GABRR1: variants seen among roughly 807,000 people sequenced by gnomAD.
The protein encoded by GABRR1 is gamma-aminobutyric acid type A receptor subunit rho1.
Under a neutral mutation model 55.5 loss-of-function variants are expected in GABRR1, and 59 were observed. The observed-to-expected ratio is 1.06, with a 90% confidence interval of 0.86 to 1.32. The LOEUF (loss-of-function observed/expected upper bound fraction) is 1.32, where lower values mean the gene tolerates loss of function less well. Among genes scored for constraint, GABRR1 ranks in the 40% most tolerant of loss-of-function variants. GABRR1 has a pLI of 0.00. For synonymous variants in GABRR1, 213 were observed against 226.0 expected, an observed-to-expected ratio of 0.94 and a Z score of 0.51; for missense variants, 602 against 619.1, an observed-to-expected ratio of 0.97 and a Z score of 0.29.
At chr6:89,190,718 C>T (rs186705014) in intron 5 of GABRR1, among the ~76,000 whole-genome samples, 30 of 152,214 alleles carry the variant, frequency 2.0e-4, no homozygotes, top group African/African-American at 4.3e-4. Flanking sequence ...TTTTCTTTAA[C>T]GATGTTGATA....
At chr6:89,216,494 G>A (rs987546797) in intron 1 of GABRR1, among the ~76,000 whole-genome samples, 4 of 152,194 alleles carry the variant, frequency 2.6e-5, no homozygotes, top group African/African-American at 9.7e-5. Flanking sequence ...GGGCAAGCAG[G>A]TGTGCATCCC....
intron 5 of GABRR1, among the ~76,000 whole-genome samples, chr6:89,195,671 T>A (rs1772243779): frequency 6.6e-6 from 1 of 152,232 alleles, no homozygotes; most frequent in African/African-American, 2.4e-5. Context: ...ATCACCAGAC[T>A]TATCTTGTAA....
intron 1 of GABRR1, among the ~76,000 whole-genome samples, chr6:89,230,715 T>C (rs1773271078): frequency 6.6e-6 from 1 of 151,624 alleles, no homozygotes. Context: ...GCTGTCTTTT[T>C]GTTTGTCTGT....
At chr6:89,202,379 C>T (rs1333865132) in intron 2 of GABRR1, among the ~76,000 whole-genome samples, 1 of 151,556 alleles carries the variant, frequency 6.6e-6, no homozygotes, top group Non-Finnish European at 1.5e-5. Context: ...GCAACCTCCA[C>T]CTCCCAGGTT....
At chr6:89,180,804 A>G (rs1771693986) in intron 8 of GABRR1, among the ~76,000 whole-genome samples, 1 of 152,226 alleles carries the variant, frequency 6.6e-6, no homozygotes, top group Non-Finnish European at 1.5e-5. Context: ...ATTGATTTTT[A>G]CAAAATAAGA....
Position 89,229,369 on chromosome 6 carries a change from A to T in GABRR1, c.-411+1847T>A, listed in dbSNP as rs1299613235. On this transcript the variant is annotated intron_variant, in intron 1 of 11. Transcript: ENST00000369451. ...TTTCTTCCTAGTCTCGATGGTCTTT[A>T]CATTTTGGCATGATTTTGCAGCAGC... 1.8e-4 allele frequency among the ~76,000 whole-genome samples: 27 copies of T among 151,592 alleles called. No homozygotes were observed. The East Asian group carries it at 4.6e-3, about 26-fold the overall frequency.
chr6:89,186,846 C>T (rs1158159303), intron 6 of GABRR1, among the ~76,000 whole-genome samples: 1 of 152,144 alleles, frequency 6.6e-6, no homozygotes, highest in Non-Finnish European at 1.5e-5. Context: ...TTTATTACAC[C>T]CTTTCCCCAC....
chr6:89,204,760 T>C, intron 1 of GABRR1: 1 of 782,464 alleles, frequency 1.3e-6, no homozygotes, highest in Non-Finnish European at 1.7e-6. Context: ...TATTATTAGA[T>C]AACTTTTTTT....
intron 4 of GABRR1, among the ~76,000 whole-genome samples, chr6:89,198,645 A>C (rs958576056): frequency 6.6e-6 from 1 of 152,164 alleles, no homozygotes; most frequent in Non-Finnish European, 1.5e-5. Context: ...CTGAGTCAGA[A>C]TAACCCTGAA....
chr6:89,205,429 GCATGT>G (rs1452083388), intron 1 of GABRR1: 2 of 152,272 alleles, frequency 1.3e-5, no homozygotes, highest in Non-Finnish European at 2.9e-5. Context: ...GAAAGGATAG[GCATGT>G]ACCATGTTAA....
In GABRR1 at chr6:89,177,756, T is replaced by TTA. The variant is rs1204113939; in HGVS notation, c.*1013_*1014insTA. On this transcript the variant is annotated 3_prime_UTR_variant, in exon 10 of 10. Transcript: ENST00000454853. Reference sequence around the variant, plus strand: ...TCTGGTCCATAGAAAATGCTGGTATTTCGAGTATAAATGCAGATGTCCAGT... The same window carrying TTA: ...TCTGGTCCATAGAAAATGCTGGTATTTATCGAGTATAAATGCAGATGTCCAGT... The TTA allele has an allele frequency of 6.6e-6, 1 of 152,202 alleles. No individual in the cohort carries two copies. The highest frequency in any genetic ancestry group is 1.5e-5 in the Non-Finnish European group (1 of 68,038). 9.4% of individuals were successfully genotyped at this position (152,202 alleles called of 1,614,324 possible). A position where few individuals can be genotyped will look rare whatever the true frequency, so the allele number is the denominator to read the frequency against.
intron 1 of GABRR1, 98 bp from the exon 2 acceptor site, chr6:89,203,583 C>A: frequency 1.2e-6 from 1 of 868,426 alleles, no homozygotes; most frequent in Non-Finnish European, 1.9e-6. Flanking sequence ...CAAATCTATC[C>A]AGAATAAAAT....
chr6:89,220,760 G>C (rs1443846512), upstream of GABRR1, among the ~76,000 whole-genome samples: 1 of 151,648 alleles, frequency 6.6e-6, no homozygotes, highest in Non-Finnish European at 1.5e-5. Context: ...CGTTCTTGTT[G>C]CCCAGGCTGG....
chr6:89,196,710 G>A (rs557399238), intron 5 of GABRR1, among the ~76,000 whole-genome samples: 38 of 151,972 alleles, frequency 2.5e-4, no homozygotes, highest in African/African-American at 8.9e-4. Context: ...CTGGGAGGTT[G>A]AGGCTGCAGT....
chr6:89,198,376 C>T, intron 4 of GABRR1, 133 bp from the exon 5 acceptor site: 5 of 648,068 alleles, frequency 7.7e-6, no homozygotes, highest in Non-Finnish European at 1.4e-5. Flanking sequence ...CTTCTAGTCT[C>T]CAGAGTTTGC....
chr6:89,182,183 T>C (rs1023968236), intron 7 of GABRR1, 126 bp from the exon 8 acceptor site: 28 of 857,204 alleles, frequency 3.3e-5, no homozygotes, highest in Middle Eastern at 2.3e-4. Context: ...TAAGGTGAAA[T>C]TGAGAGAAAT....
At chr6:89,214,861 G>C (rs1231007550) in intron 1 of GABRR1, among the ~76,000 whole-genome samples, 1 of 151,786 alleles carries the variant, frequency 6.6e-6, no homozygotes, top group Non-Finnish European at 1.5e-5. Flanking sequence ...CCTGTCTATA[G>C]AAAAAAAAAT....
At chr6:89,188,182 C>G (rs947450919) in intron 6 of GABRR1, among the ~76,000 whole-genome samples, 5 of 152,068 alleles carry the variant, frequency 3.3e-5, no homozygotes, top group Admixed American at 6.6e-5. Context: ...AGCCACCATG[C>G]CCAGCACATT....
At chr6:89,208,616 G>C (rs944833517) in intron 1 of GABRR1, among the ~76,000 whole-genome samples, 1 of 152,214 alleles carries the variant, frequency 6.6e-6, no homozygotes. Context: ...GTTTCTCGAA[G>C]AAGAAGAAGG....
Sources: allele counts gnomAD v4.1 joint callset (sites outside exome capture counted in the v4.1 genomes callset), GRCh38; gene constraint gnomAD v4.1.1; transcripts MANE v1.5; gene names NCBI Gene and HGNC (gene_info 2026-07-23, HGNC 2026-07-21).